SLC14A2: variants seen among roughly 807,000 people sequenced by gnomAD.
SLC14A2 encodes the protein solute carrier family 14 member 2.
A neutral mutation model predicts 104.6 loss-of-function variants in SLC14A2; 91 were observed. The ratio of observed to expected loss-of-function variants is 0.87; its 90% CI spans 0.73 to 1.04. The LOEUF (loss-of-function observed/expected upper bound fraction) is 1.04, where lower values mean the gene tolerates loss of function less well. Ranked by LOEUF, SLC14A2 falls within the 50% of genes least tolerant of loss-of-function variation. The pLI, the probability that SLC14A2 is intolerant of heterozygous loss-of-function variation, is 0.00. For missense variants in SLC14A2, 1,189 were observed against 1,156.0 expected, an observed-to-expected ratio of 1.03 and a Z score of -0.41; for synonymous variants, 476 against 466.4, an observed-to-expected ratio of 1.02 and a Z score of -0.27.
chr18:45,174,884 C>T, the SLC14A2 span, among the ~76,000 whole-genome samples: 1 of 152,066 alleles, frequency 6.6e-6, no homozygotes, highest in African/African-American at 2.4e-5. Flanking sequence ...TGAGCTCATA[C>T]ATAATAAGGG....
chr18:45,599,932 G>A (rs1334973418), intron 2 of SLC14A2, among the ~76,000 whole-genome samples: 2 of 152,076 alleles, frequency 1.3e-5, no homozygotes, highest in Non-Finnish European at 2.9e-5. Flanking sequence ...AGAACAGCAT[G>A]GGAAAGACTT....
intron 2 of SLC14A2, among the ~76,000 whole-genome samples, chr18:45,530,443 G>C (rs906157805): frequency 6.6e-6 from 1 of 152,104 alleles, no homozygotes; most frequent in Non-Finnish European, 1.5e-5. Flanking sequence ...CTGTGTTTTT[G>C]TGTTGAATCT....
At chr18:45,302,095 T>G (rs2084974026) in intron 1 of SLC14A2, among the ~76,000 whole-genome samples, 1 of 152,162 alleles carries the variant, frequency 6.6e-6, no homozygotes, top group South Asian at 2.1e-4. Flanking sequence ...TGTGTTGAAG[T>G]CTCCTGTCTC....
chr18:45,248,779 G>A (rs2084392309), intron 1 of SLC14A2, among the ~76,000 whole-genome samples: 1 of 152,180 alleles, frequency 6.6e-6, no homozygotes, highest in Admixed American at 6.5e-5. Flanking sequence ...TTGAAATGGA[G>A]CCACAGAACT....
At chr18:45,630,391 C>T (rs191020006) in intron 4 of SLC14A2, among the ~76,000 whole-genome samples, 2 of 152,278 alleles carry the variant, frequency 1.3e-5, no homozygotes, top group African/African-American at 4.8e-5. Context: ...CCCGCTGTCC[C>T]CACCCCCAAT....
chr18:45,592,764 A>G (rs2044666419), intron 2 of SLC14A2, among the ~76,000 whole-genome samples: 1 of 152,252 alleles, frequency 6.6e-6, no homozygotes. Context: ...GAGACCCAGT[A>G]GACAGTTCAA....
chr18:45,449,360 T>C (rs1324206397), intron 1 of SLC14A2, among the ~76,000 whole-genome samples: 1 of 152,160 alleles, frequency 6.6e-6, no homozygotes, highest in Non-Finnish European at 1.5e-5. Context: ...TTCCACCTCC[T>C]CTCTGAAGCC....
chr18:45,565,274 G>A (rs1463262913), intron 2 of SLC14A2, among the ~76,000 whole-genome samples: 15 of 152,120 alleles, frequency 9.9e-5, no homozygotes, highest in African/African-American at 2.7e-4. Context: ...ACAGGCGCCC[G>A]CCACCAAGCC....
At chr18:45,595,259 G>C (rs1449370874) in intron 2 of SLC14A2, among the ~76,000 whole-genome samples, 3 of 152,184 alleles carry the variant, frequency 2.0e-5, no homozygotes, top group African/African-American at 7.2e-5. Context: ...AAATGGGCTA[G>C]AAAAATGATC....
intron 1 of SLC14A2, among the ~76,000 whole-genome samples, chr18:45,259,237 CA>C (rs1176315607): frequency 6.6e-6 from 1 of 152,154 alleles, no homozygotes; most frequent in Non-Finnish European, 1.5e-5. Context: ...AGGGTTAGGA[CA>C]GCAATAAAGT....
Position 45,383,804 on chromosome 18 carries a change from C to T in SLC14A2, c.-124-99429C>T, listed in dbSNP as rs181531599. On this transcript the variant is annotated intron_variant, in intron 1 of 20. Coordinates refer to the SLC14A2 transcript ENST00000586448. ...CAATCTGAAAAATAACCTTGCATGG[C>T]TGCCCTGGGCTCTGCTTGCCTGGGC... is the stretch of plus-strand genomic sequence containing the variant. Among the ~76,000 whole-genome samples, 230 of 152,256 alleles carry T rather than the reference C, an allele frequency of 1.5e-3. 1 individual carries two copies. The highest frequency in any genetic ancestry group is 5.3e-3 in the African/African-American group (220 of 41,542).
intron 2 of SLC14A2, among the ~76,000 whole-genome samples, chr18:45,625,273 A>G (rs1212982010): frequency 3.3e-5 from 5 of 152,090 alleles, no homozygotes; most frequent in African/African-American, 9.7e-5. Context: ...ACTCATCACT[A>G]CTTTGAAATT....
At chr18:45,434,444 A>G (rs189557804) in intron 1 of SLC14A2, among the ~76,000 whole-genome samples, 10 of 150,536 alleles carry the variant, frequency 6.6e-5, no homozygotes, top group Admixed American at 6.1e-4. Context: ...GTTTAACTCA[A>G]TTTCATCAGG....
intron 1 of SLC14A2, among the ~76,000 whole-genome samples, chr18:45,286,730 G>GTGTGTGTGTC (rs1555672197): frequency 6.6e-6 from 1 of 152,084 alleles, no homozygotes; most frequent in African/African-American, 2.4e-5. Context: ...GTGTGTGTGT[G>GTGTGTGTGTC]TGTGTGTCTG....
chr18:45,627,935 G>A (rs988225935), intron 4 of SLC14A2, among the ~76,000 whole-genome samples: 22 of 150,928 alleles, frequency 1.5e-4, no homozygotes, highest in Admixed American at 2.6e-4. Context: ...CCTGGGAGGT[G>A]GAGGTTGCAG....
At chr18:45,651,446 T>C (rs913053677) in intron 10 of SLC14A2, among the ~76,000 whole-genome samples, 2 of 152,282 alleles carry the variant, frequency 1.3e-5, no homozygotes, top group East Asian at 3.9e-4. Flanking sequence ...AGAAGTCAAC[T>C]TGTTCAGTGT....
At chr18:45,618,358 A>G (rs1051890270) in intron 1 of SLC14A2, among the ~76,000 whole-genome samples, 6 of 152,166 alleles carry the variant, frequency 3.9e-5, no homozygotes, top group African/African-American at 1.4e-4. Context: ...TGTGGTCTCA[A>G]TAACTGAGTT....
chr18:45,275,167 G>A (rs1015066862), intron 1 of SLC14A2, among the ~76,000 whole-genome samples: 1 of 152,162 alleles, frequency 6.6e-6, no homozygotes, highest in Non-Finnish European at 1.5e-5. Context: ...CACATTTGCA[G>A]TGACCTTATT....
At chr18:45,539,678 C>T (rs2043855352) in intron 2 of SLC14A2, among the ~76,000 whole-genome samples, 1 of 152,172 alleles carries the variant, frequency 6.6e-6, no homozygotes, top group Non-Finnish European at 1.5e-5. Flanking sequence ...CCCATGGTGT[C>T]ATTTCCAAAT....
Sources: allele counts gnomAD v4.1 joint callset (sites outside exome capture counted in the v4.1 genomes callset), GRCh38; gene constraint gnomAD v4.1.1; transcripts MANE v1.5; gene names NCBI Gene and HGNC (gene_info 2026-07-23, HGNC 2026-07-21).